The following NBEA variants were observed in gnomAD, a reference collection of about 807,000 sequenced individuals.
The protein encoded by NBEA is neurobeachin, also known as lysosomal-trafficking regulator 2.
A neutral mutation model predicts 343.4 loss-of-function variants in NBEA; 44 were observed. The observed-to-expected ratio is 0.13, with a 90% confidence interval of 0.10 to 0.16. NBEA has a LOEUF of 0.16. Ranked by LOEUF, NBEA falls within the 10% of genes least tolerant of loss-of-function variation. NBEA has a pLI of 1.00. For missense variants in NBEA, 2,555 were observed against 3,631.3 expected, an observed-to-expected ratio of 0.70 and a Z score of 7.62; for synonymous variants, 1,175 against 1,238.7, an observed-to-expected ratio of 0.95 and a Z score of 1.08.
chr13:35,001,272 A>G (rs978363865), intron 1 of NBEA, among the ~76,000 whole-genome samples: 3 of 152,154 alleles, frequency 2.0e-5, no homozygotes, highest in African/African-American at 4.8e-5. Context: ...AAGTTTCTCA[A>G]ATAACTGAAA....
intron 25 of NBEA, among the ~76,000 whole-genome samples, chr13:35,169,293 A>G (rs973917636): frequency 6.6e-6 from 1 of 151,572 alleles, no homozygotes; most frequent in Non-Finnish European, 1.5e-5. Context: ...TGGATGAAAT[A>G]TATTATTTTA....
intron 49 of NBEA, among the ~76,000 whole-genome samples, chr13:35,630,065 T>A (rs79575490): frequency 1.0e-5 from 1 of 99,054 alleles, no homozygotes; most frequent in Admixed American, 8.7e-5. Flanking sequence ...ATAAAATAAA[T>A]TAAATAAATT....
intron 39 of NBEA, among the ~76,000 whole-genome samples, chr13:35,450,945 G>A (rs1383006694): frequency 6.6e-6 from 1 of 152,154 alleles, no homozygotes; most frequent in Non-Finnish European, 1.5e-5. Flanking sequence ...ATTGACACCT[G>A]CCAAAGCAGA....
intron 35 of NBEA, among the ~76,000 whole-genome samples, chr13:35,307,236 A>G (rs2036951358): frequency 2.0e-5 from 3 of 151,928 alleles, no homozygotes; most frequent in Admixed American, 2.0e-4. Context: ...TTAGACTCCT[A>G]ATATTTCTCT....
chr13:35,591,294 C>T (rs2081527144), intron 46 of NBEA, among the ~76,000 whole-genome samples: 1 of 151,936 alleles, frequency 6.6e-6, no homozygotes, highest in African/African-American at 2.4e-5. Context: ...ATTGCTGCAT[C>T]TACAATTTTT....
chr13:35,087,152 T>TA (rs987765739), intron 10 of NBEA, among the ~76,000 whole-genome samples: 1 of 151,754 alleles, frequency 6.6e-6, no homozygotes, highest in African/African-American at 2.4e-5. Context: ...TTTTTAGTTT[T>TA]ATATAGTCTC....
intron 1 of NBEA, among the ~76,000 whole-genome samples, chr13:34,976,961 A>T (rs1032273068): frequency 8.1e-5 from 11 of 135,858 alleles, no homozygotes; most frequent in Non-Finnish European, 1.6e-4. Context: ...TTTTTTTGAG[A>T]CAGAGTTTTG....
intron 34 of NBEA, among the ~76,000 whole-genome samples, chr13:35,245,394 T>TTATTAAAGCTATAGGTTATA (rs1198531450): frequency 6.6e-6 from 1 of 152,214 alleles, no homozygotes; most frequent in Non-Finnish European, 1.5e-5. Flanking sequence ...GTGAGATTCA[T>TTATTAAAGCTATAGGTTATA]GCTTTAAAGA....
rs201493169 is a variant in NBEA at position 35,352,167 on chromosome 13, C to T, written c.6023C>T (p.Ala2008Val). 2.0e-5 allele frequency: 29 copies of T among 1,477,222 alleles called. No homozygotes were observed. In the Admixed American group the frequency reaches 4.8e-4, roughly 24 times the overall value. 91.5% of individuals were successfully genotyped at this position (1,477,222 alleles called of 1,614,324 possible). ...TGTATTTCTTTATAGTCACAGTGTGCCCAATATGCTGCTGATAGAAGAGAG... is the reference window on the plus strand; with the variant it reads ...TGTATTTCTTTATAGTCACAGTGTGTCCAATATGCTGCTGATAGAAGAGAG... ...HKHAEFESQC[A>V]QYAADRREEE... is the part of the protein sequence containing the mutation. Residue 2008 changes from alanine (A) to valine (V), a missense_variant, in exon 38 of 59, where the codon GCC becomes GTC. This residue lies in a region of NBEA where 246 missense variants were observed against 313.7 expected (regional missense o/e 0.78). Transcript: ENST00000379939.
chr13:34,957,849 A>G (rs1264579208), intron 1 of NBEA, among the ~76,000 whole-genome samples: 1 of 152,114 alleles, frequency 6.6e-6, no homozygotes, highest in Non-Finnish European at 1.5e-5. Flanking sequence ...CCATGGATAT[A>G]TTTATAACTC....
chr13:35,605,098 T>C (rs918764628), intron 47 of NBEA, among the ~76,000 whole-genome samples: 2 of 152,186 alleles, frequency 1.3e-5, no homozygotes, highest in Admixed American at 6.5e-5. Flanking sequence ...GTCAGAGAAA[T>C]ATGTAAAGGA....
At chr13:35,106,749 A>G (rs116028241) in intron 11 of NBEA, among the ~76,000 whole-genome samples, 1 of 152,030 alleles carries the variant, frequency 6.6e-6, no homozygotes, top group East Asian at 1.9e-4. Flanking sequence ...TTGGTATGCG[A>G]AAACAATGGC....
chr13:34,983,643 G>A (rs2060440361), intron 1 of NBEA, among the ~76,000 whole-genome samples: 1 of 152,168 alleles, frequency 6.6e-6, no homozygotes, highest in Non-Finnish European at 1.5e-5. Flanking sequence ...CACCAACAGT[G>A]TAAAATTATT....
intron 38 of NBEA, among the ~76,000 whole-genome samples, chr13:35,409,023 T>C (rs541985481): frequency 6.6e-6 from 1 of 152,262 alleles, no homozygotes; most frequent in South Asian, 2.1e-4. Flanking sequence ...TAAATCATTC[T>C]GTTATAAAGA....
At chr13:35,301,233 A>G (rs2036522566) in intron 35 of NBEA, among the ~76,000 whole-genome samples, 1 of 151,984 alleles carries the variant, frequency 6.6e-6, no homozygotes, top group African/African-American at 2.4e-5. Flanking sequence ...CAGGTTTGTT[A>G]CATAGGTATA....
intron 14 of NBEA, 77 bp from the exon 15 acceptor site, chr13:35,118,151 A>G (rs2066603054): frequency 3.1e-6 from 3 of 970,786 alleles, no homozygotes; most frequent in Non-Finnish European, 4.4e-6. Flanking sequence ...TTCTTTTACA[A>G]TGATTATTTT....
intron 1 of NBEA, among the ~76,000 whole-genome samples, chr13:35,035,837 C>A (rs2062420250): frequency 1.3e-5 from 2 of 151,724 alleles, no homozygotes; most frequent in African/African-American, 4.8e-5. Flanking sequence ...GACTTCTGCT[C>A]TTTTTTTGGT....
intron 33 of NBEA, among the ~76,000 whole-genome samples, chr13:35,215,486 A>T (rs895267874): frequency 2.0e-5 from 3 of 151,766 alleles, no homozygotes; most frequent in African/African-American, 7.2e-5. Flanking sequence ...TTCCATTTTT[A>T]TGAAATTATA....
chr13:35,320,480 G>A (rs926060784), intron 36 of NBEA, among the ~76,000 whole-genome samples: 2 of 152,160 alleles, frequency 1.3e-5, no homozygotes, highest in Non-Finnish European at 2.9e-5. Context: ...TAGTCTGATG[G>A]GGTTCCCCTT....
Sources: allele counts gnomAD v4.1 joint callset (sites outside exome capture counted in the v4.1 genomes callset), GRCh38; gene constraint gnomAD v4.1.1; regional missense constraint gnomAD v4.1.1; transcripts MANE v1.5; gene names NCBI Gene and HGNC (gene_info 2026-07-23, HGNC 2026-07-21).